The following TENT5D variants were observed in gnomAD, a reference collection of about 807,000 sequenced individuals.
TENT5D encodes cancer/testis antigen 112.
For synonymous variants in TENT5D, 103 were observed against 100.6 expected (o/e 1.02, Z -0.15); for missense variants, 191 against 287.0 (o/e 0.67, Z 2.42).
chrX:80,352,173 G>A (rs752143614), intron 3 of TENT5D, among the ~76,000 whole-genome samples: 1 of 112,151 alleles, frequency 8.9e-6, no homozygotes, highest in South Asian at 3.7e-4. Context: ...GAGCTGGAGT[G>A]CTATAATGGT....
chrX:80,418,020 T>A (rs964139097), upstream of TENT5D, among the ~76,000 whole-genome samples: 3 of 111,705 alleles, frequency 2.7e-5, no homozygotes, highest in African/African-American at 6.5e-5. Flanking sequence ...TTAATATTTT[T>A]AAAAATTTTT....
At chrX:80,339,822 T>A (rs899062325) in intron 2 of TENT5D, among the ~76,000 whole-genome samples, 1 of 109,181 alleles carries the variant, frequency 9.2e-6, no homozygotes, top group East Asian at 2.9e-4. Flanking sequence ...ATAACAAATA[T>A]CACGTTTGGT....
intron 3 of TENT5D, among the ~76,000 whole-genome samples, chrX:80,388,379 G>C (rs775422128): frequency 8.9e-6 from 1 of 111,879 alleles, no homozygotes; most frequent in African/African-American, 3.2e-5. Flanking sequence ...AGAATCTCAC[G>C]CAAGGCCCAT....
chrX:80,443,403 C>A lies in TENT5D; in HGVS notation c.864C>A (p.Phe288Leu). The change falls in exon 3 of 3, where the codon TTC becomes TTA. Residue 288 changes from phenylalanine (F) to leucine (L), a missense_variant. Phe to Leu is a conservative substitution (Grantham distance 22). Coordinates refer to ENST00000308293, the Ensembl canonical transcript of TENT5D. ...TTGAATCATACCTCCACAACCATTTCATAGGTGAAGGAATGACCAAGTATG... is the reference window on the plus strand; with the variant it reads ...TTGAATCATACCTCCACAACCATTTAATAGGTGAAGGAATGACCAAGTATG... The A allele has an allele frequency of 4.1e-6, 5 of 1,211,300 alleles. No individual in the cohort carries two copies. The highest frequency in any genetic ancestry group is 4.5e-6 in the Non-Finnish European group (4 of 895,162).
At chrX:80,435,189 T>A (rs751524024) in intron 1 of TENT5D, among the ~76,000 whole-genome samples, 3 of 111,941 alleles carry the variant, frequency 2.7e-5, no homozygotes, top group Non-Finnish European at 5.6e-5. Context: ...AGTATTGTTC[T>A]GCAATTCAAG....
chrX:80,375,953 A>G (rs899950294), intron 3 of TENT5D, among the ~76,000 whole-genome samples: 2 of 111,680 alleles, frequency 1.8e-5, no homozygotes, highest in African/African-American at 6.5e-5. Context: ...ACTATTTGCC[A>G]TATGCTGTTT....
intron 3 of TENT5D, among the ~76,000 whole-genome samples, chrX:80,370,451 T>G (rs1172230705): frequency 8.9e-6 from 1 of 112,144 alleles, no homozygotes; most frequent in African/African-American, 3.2e-5. Context: ...GATATACAAT[T>G]TATATTTTTC....
At chrX:80,403,856 G>T (rs1020129331) in intron 3 of TENT5D, among the ~76,000 whole-genome samples, 1 of 111,989 alleles carries the variant, frequency 8.9e-6, no homozygotes, top group Admixed American at 9.5e-5. Context: ...TTTTGCCAAG[G>T]TTAAGAACAC....
At chrX:80,419,668 T>A (rs181284558), upstream of TENT5D, among the ~76,000 whole-genome samples, 26 of 112,675 alleles carry the variant, frequency 2.3e-4, no homozygotes, top group African/African-American at 6.4e-4. Context: ...TAAAAATTAG[T>A]TGTTGGCACT....
chrX:80,425,862 A>G, intron 1 of TENT5D, among the ~76,000 whole-genome samples: 1 of 110,221 alleles, frequency 9.1e-6, no homozygotes, highest in Non-Finnish European at 1.9e-5. Context: ...CCCTGTCTCT[A>G]CTAAAAATAC....
chrX:80,388,920 C>G (rs1425079018), intron 3 of TENT5D, among the ~76,000 whole-genome samples: 1 of 111,579 alleles, frequency 9.0e-6, no homozygotes, highest in Non-Finnish European at 1.9e-5. Context: ...TTTCCAACCA[C>G]TAGGATGGAC....
chrX:80,340,523 A>G (rs1929937837), intron 2 of TENT5D, among the ~76,000 whole-genome samples: 1 of 111,379 alleles, frequency 9.0e-6, no homozygotes, highest in African/African-American at 3.3e-5. Context: ...AACAGAGTGT[A>G]GCATGCTTTG....
chrX:80,347,598 A>G (rs1930089923), intron 3 of TENT5D, among the ~76,000 whole-genome samples: 1 of 111,995 alleles, frequency 8.9e-6, no homozygotes, highest in Non-Finnish European at 1.9e-5. Context: ...ATAGATTGCA[A>G]AAATTTTCTC....
intron 3 of TENT5D, among the ~76,000 whole-genome samples, chrX:80,371,241 A>C (rs1408523452): frequency 8.9e-6 from 1 of 111,855 alleles, no homozygotes; most frequent in African/African-American, 3.2e-5. Context: ...AGTGGGCTTC[A>C]AATATCCTCT....
chrX:80,430,237 C>CT (rs1315853530), intron 1 of TENT5D, among the ~76,000 whole-genome samples: 1 of 111,433 alleles, frequency 9.0e-6, no homozygotes, highest in Non-Finnish European at 1.9e-5. Context: ...CTAGGACACC[C>CT]TTTATTTGTT....
At chrX:80,348,843 A>T (rs1290911154) in intron 3 of TENT5D, among the ~76,000 whole-genome samples, 1 of 111,840 alleles carries the variant, frequency 8.9e-6, no homozygotes, top group African/African-American at 3.3e-5. Flanking sequence ...CATCAATACC[A>T]AGTTTACTTA....
At chrX:80,391,227 G>A (rs1428843940) in intron 3 of TENT5D, among the ~76,000 whole-genome samples, 1 of 111,573 alleles carries the variant, frequency 9.0e-6, no homozygotes, top group Non-Finnish European at 1.9e-5. Flanking sequence ...TTGAGAAATT[G>A]CCATAAGAAA....
At position 80,377,498 on chromosome X, in the gene TENT5D, T is replaced by C. The variant is rs1350038751; in HGVS notation, c.-142+34934T>C. ...AGAACATGTGGTGTTTGGTTTTCTG[T>C]CCTTGCAATAGTTTCCTCAGAATGA... On this transcript the variant is annotated intron_variant, in intron 3 of 4. Transcript: ENST00000538312. Among the ~76,000 whole-genome samples, 29 of 111,242 alleles carry C rather than the reference T, an allele frequency of 2.6e-4. 1 individual carries two copies. The highest frequency in any genetic ancestry group is 2.3e-3 in the Admixed American group (24 of 10,454).
chrX:80,341,564 A>G, intron 2 of TENT5D, among the ~76,000 whole-genome samples: 1 of 111,902 alleles, frequency 8.9e-6, no homozygotes, highest in East Asian at 2.8e-4. Flanking sequence ...AAAAGTCCAT[A>G]AAGCATATCA....
Sources: gnomAD v4.1 joint callset for allele counts (sites outside exome capture counted in the v4.1 genomes callset) on GRCh38, gnomAD v4.1.1 for gene constraint, MANE v1.5 for transcripts, NCBI Gene and HGNC (gene_info 2026-07-23, HGNC 2026-07-21) for gene names.